Variants in KLF7 observed in about 807,000 individuals in gnomAD.
KLF7 encodes Krueppel-like factor 7.
A neutral mutation model predicts 27.3 loss-of-function variants in KLF7; 2 were observed. That is an observed-to-expected ratio of 0.07 (90% CI 0.03 to 0.23). The LOEUF (loss-of-function observed/expected upper bound fraction) is 0.23, where lower values mean the gene tolerates loss of function less well. KLF7 is among the 10% of genes least tolerant of loss of function. KLF7 has a pLI of 1.00. For synonymous variants in KLF7, 165 were observed against 162.4 expected (o/e 1.02, Z -0.12); for missense variants, 221 against 394.1 (o/e 0.56, Z 3.72).
At chr2:207,124,485 G>T in intron 1 of KLF7, 81 bp from the exon 2 acceptor site, 1 of 1,364,178 alleles carries the variant, frequency 7.3e-7, no homozygotes, top group Admixed American at 2.3e-5. Flanking sequence ...AGGCAGAGGG[G>T]GAAGGTGCAG....
chr2:207,142,272 T>C (rs563512479), intron 1 of KLF7, among the ~76,000 whole-genome samples: 1 of 152,214 alleles, frequency 6.6e-6, no homozygotes, highest in African/African-American at 2.4e-5. Context: ...AATAAGATAA[T>C]GAATGCCTGG....
In KLF7 at chr2:207,103,563, C is replaced by T. The variant is rs529384049; in HGVS notation, c.734-14982G>A. On this transcript the variant is annotated intron_variant, in intron 2 of 3. Coordinates refer to ENST00000309446, the MANE Select transcript of KLF7 (RefSeq NM_003709.4). ...TACATGAACAAAGGAAATCTCGCTT[C>T]TTTTCTCCAGAAAGGTTGTCAGAGT... 5.3e-5 allele frequency among the ~76,000 whole-genome samples: 8 copies of T among 152,324 alleles called. No individual in the cohort carries two copies. The South Asian group carries it at 1.7e-3, about 32-fold the overall frequency.
At chr2:207,113,033 G>A (rs957958877) in intron 2 of KLF7, among the ~76,000 whole-genome samples, 10 of 152,112 alleles carry the variant, frequency 6.6e-5, no homozygotes, top group Admixed American at 2.6e-4. Flanking sequence ...TAAAACAATC[G>A]GGAAAATCCC....
chr2:207,142,312 T>A (rs192648796), intron 1 of KLF7, among the ~76,000 whole-genome samples: 2 of 152,296 alleles, frequency 1.3e-5, no homozygotes, highest in East Asian at 1.9e-4. Context: ...GATAAACAGG[T>A]GACACCTGTT....
chr2:207,134,154 A>ATTTTTTTTTTTTTT, intron 1 of KLF7: 2 of 1,141,044 alleles, frequency 1.8e-6, no homozygotes, highest in South Asian at 1.9e-5. Context: ...GGCTACTGGG[A>ATTTTTTTTTTTTTT]TTTTTTTTTT....
rs946358307 is a variant in KLF7 at position 207,140,037 on chromosome 2, C to T, written c.103-15633G>A. Among the ~76,000 whole-genome samples the T allele has an allele frequency of 6.6e-5, 10 of 152,156 alleles. 1 individual carries two copies. The highest frequency in any genetic ancestry group is 2.9e-5 in the Non-Finnish European group (2 of 68,000). ...CCGAATAGCTGGGACTATAGGTGCCCGCCATCACACCCAGCTAATTTTTGT... is the reference window on the plus strand; with the variant it reads ...CCGAATAGCTGGGACTATAGGTGCCTGCCATCACACCCAGCTAATTTTTGT... On this transcript the variant is annotated intron_variant, in intron 1 of 3. Transcript: ENST00000309446.
rs552702459 is a variant in KLF7 at position 207,138,201 on chromosome 2, C to T, written c.103-13797G>A. Among the ~76,000 whole-genome samples the T allele has an allele frequency of 3.1e-4, 47 of 152,174 alleles. 1 individual carries two copies. The highest frequency in any genetic ancestry group is 4.4e-5 in the Non-Finnish European group (3 of 68,032). ...GTTTCAAAGAAATCATCAGCCCATGCAAAGGAGAAATCCCAGTGGAGCAAG... is the reference window on the plus strand; with the variant it reads ...GTTTCAAAGAAATCATCAGCCCATGTAAAGGAGAAATCCCAGTGGAGCAAG... On this transcript the variant is annotated intron_variant, in intron 1 of 3. Transcript: ENST00000309446.
At chr2:207,165,049 C>T (rs1292451796) in intron 1 of KLF7, among the ~76,000 whole-genome samples, 2 of 118,668 alleles carry the variant, frequency 1.7e-5, no homozygotes, top group African/African-American at 6.4e-5. Context: ...AACAGATGAA[C>T]CTGATTTCAG....
chr2:207,134,003 C>T, intron 1 of KLF7: 1 of 1,303,838 alleles, frequency 7.7e-7, no homozygotes, highest in Non-Finnish European at 1.1e-6. Context: ...CCCACCCGCT[C>T]CTGTTAACTT....
upstream of KLF7, chr2:207,167,147 T>C: frequency 7.0e-7 from 1 of 1,437,706 alleles, no homozygotes; most frequent in South Asian, 1.4e-5. Context: ...CACCATGGGG[T>C]CTCCAGCGAG....
At chr2:207,160,505 A>G (rs1189772732) in intron 1 of KLF7, among the ~76,000 whole-genome samples, 1 of 152,202 alleles carries the variant, frequency 6.6e-6, no homozygotes, top group Non-Finnish European at 1.5e-5. Context: ...ATGAAAAGAT[A>G]AGGGGTATCC....
chr2:207,094,868 TATA>T (rs750206474), intron 2 of KLF7, among the ~76,000 whole-genome samples: 1 of 152,104 alleles, frequency 6.6e-6, no homozygotes, highest in Non-Finnish European at 1.5e-5. Context: ...CCAAAACATT[TATA>T]ATAACTACTA....
intron 2 of KLF7, among the ~76,000 whole-genome samples, chr2:207,106,844 G>A (rs1316948707): frequency 3.3e-5 from 5 of 152,124 alleles, no homozygotes; most frequent in Non-Finnish European, 5.9e-5. Flanking sequence ...AAGAAGGGTG[G>A]GGTCTGCTCC....
intron 1 of KLF7, among the ~76,000 whole-genome samples, chr2:207,146,089 C>A (rs1377735108): frequency 2.0e-5 from 3 of 152,196 alleles, no homozygotes; most frequent in Non-Finnish European, 4.4e-5. Flanking sequence ...CAGTCAACTG[C>A]AGGACTACAA....
At chr2:207,082,926 T>C (rs920321533) in intron 3 of KLF7, among the ~76,000 whole-genome samples, 12 of 152,256 alleles carry the variant, frequency 7.9e-5, no homozygotes, top group Admixed American at 5.2e-4. Context: ...ATGTGTAGGA[T>C]AGAACTCCAA....
chr2:207,142,200 T>C (rs1377142961), intron 1 of KLF7, among the ~76,000 whole-genome samples: 1 of 152,178 alleles, frequency 6.6e-6, no homozygotes, highest in East Asian at 1.9e-4. Context: ...GATTAGGAGC[T>C]ACTATTATTT....
chr2:207,081,649 T>C (rs565906110), intron 3 of KLF7, among the ~76,000 whole-genome samples: 70 of 152,268 alleles, frequency 4.6e-4, no homozygotes, highest in Middle Eastern at 3.4e-3. Flanking sequence ...TTGTGATTAT[T>C]AAAGAAGAAT....
At chr2:207,109,255 T>C (rs1003340662) in intron 2 of KLF7, among the ~76,000 whole-genome samples, 6 of 152,240 alleles carry the variant, frequency 3.9e-5, no homozygotes, top group African/African-American at 1.2e-4. Context: ...TGTAGGAATA[T>C]ACAAGATAAT....
rs750976313 is a variant in KLF7, at chr2:207,163,005, G to C, written c.102+2462C>G. Reference sequence around the variant, plus strand: ...AAAGAGTCTCAAAATTTCATTATCCGATAGTTGATTTGGAACTAACAGTTG... The same window carrying C: ...AAAGAGTCTCAAAATTTCATTATCCCATAGTTGATTTGGAACTAACAGTTG... On this transcript the variant is annotated intron_variant, in intron 1 of 3. Coordinates refer to ENST00000309446, the MANE Select transcript of KLF7 (RefSeq NM_003709.4). 1.2e-3 allele frequency among the ~76,000 whole-genome samples: 187 copies of C among 152,116 alleles called. 7 individuals are homozygous for C. The highest frequency in any genetic ancestry group is 7.5e-4 in the Non-Finnish European group (51 of 68,020).
Sources: allele counts gnomAD v4.1 joint callset (sites outside exome capture counted in the v4.1 genomes callset), GRCh38; gene constraint gnomAD v4.1.1; transcripts MANE v1.5; gene names NCBI Gene and HGNC (gene_info 2026-07-23, HGNC 2026-07-21).